Variants in SPATA6L observed in about 807,000 individuals in gnomAD.
The protein encoded by SPATA6L is spermatogenesis associated 6 like, also known as spermatogenesis associated 6-like protein.
Under a neutral mutation model 49.2 loss-of-function variants are expected in SPATA6L, and 68 were observed. The observed-to-expected ratio is 1.38, with a 90% CI of 1.14 to 1.69. The LOEUF is 1.69. Among genes scored for constraint, SPATA6L ranks in the 40% most tolerant of loss-of-function variants. The pLI is 0.00. For missense variants in SPATA6L, 668 were observed against 464.3 expected (o/e 1.44, Z -4.03); for synonymous variants, 198 against 165.7 (o/e 1.19, Z -1.50).
rs1391298734 is a variant in SPATA6L, at chr9:4,654,556, T to G, written c.226+1485A>C. On this transcript the variant is annotated intron_variant, in intron 3 of 11. Coordinates refer to ENST00000682582, the MANE Select transcript of SPATA6L (RefSeq NM_001353486.2). Reference sequence around the variant, plus strand: ...GGGCTTTCTGTACCCCCGGGTTTCTTGCCTTGGTGTACTGGAAGAATAGGA... The same window carrying G: ...GGGCTTTCTGTACCCCCGGGTTTCTGGCCTTGGTGTACTGGAAGAATAGGA... Among the ~76,000 whole-genome samples, 4 of 152,218 alleles carry G rather than the reference T, an allele frequency of 2.6e-5. No individual in the cohort carries two copies. In the East Asian group the frequency reaches 5.8e-4, roughly 22 times the overall value.
At chr9:4,644,975 A>G (rs1835023769) in intron 3 of SPATA6L, among the ~76,000 whole-genome samples, 1 of 152,210 alleles carries the variant, frequency 6.6e-6, no homozygotes, top group South Asian at 2.1e-4. Flanking sequence ...CCATCTGTTC[A>G]AATTTACTCA....
intron 6 of SPATA6L, among the ~76,000 whole-genome samples, chr9:4,624,214 A>G (rs1829919900): frequency 6.6e-6 from 1 of 152,238 alleles, no homozygotes; most frequent in South Asian, 2.1e-4. Context: ...AAAATAATAT[A>G]GGAAATTTTT....
At chr9:4,644,679 TCTCTCTCA>T (rs1438929855) in intron 3 of SPATA6L, among the ~76,000 whole-genome samples, 69 of 132,160 alleles carry the variant, frequency 5.2e-4, no homozygotes, top group Admixed American at 2.6e-3. Context: ...TCTCTCTCTC[TCTCTCTCA>T]CACACACACA....
intron 9 of SPATA6L, among the ~76,000 whole-genome samples, chr9:4,608,291 G>A (rs1316971178): frequency 2.5e-4 from 20 of 81,390 alleles, no homozygotes; most frequent in Middle Eastern, 8.4e-3. Flanking sequence ...TGCACCAAGC[G>A]GACCTAATAG....
intron 3 of SPATA6L, among the ~76,000 whole-genome samples, chr9:4,644,182 GCAA>G (rs1834720603): frequency 4.0e-5 from 2 of 49,394 alleles, no homozygotes; most frequent in African/African-American, 9.4e-5. Context: ...TGCCATCTCT[GCAA>G]AAAAAAAAAA....
chr9:4,644,392 A>G lies in SPATA6L; in HGVS notation c.227-8993T>C, dbSNP rs147859410. ...TTAAATTTAAAAAATTTAAACAACA[A>G]TATAATGGTGACATACAAGGGGGAA... On this transcript the variant is annotated intron_variant, in intron 3 of 11. Transcript: ENST00000682582. Among the ~76,000 whole-genome samples, 274 of 151,748 alleles carry G rather than the reference A, an allele frequency of 1.8e-3. 2 individuals carry two copies. The highest frequency in any genetic ancestry group is 0.015 in the Admixed American group (231 of 15,230).
intron 3 of SPATA6L, among the ~76,000 whole-genome samples, chr9:4,652,189 G>C (rs577634938): frequency 2.0e-5 from 3 of 152,300 alleles, no homozygotes; most frequent in African/African-American, 7.2e-5. Flanking sequence ...CGGAGGCCAA[G>C]GCAGGAGGAT....
At chr9:4,644,658 T>TTCTCTC (rs375004235) in intron 3 of SPATA6L, among the ~76,000 whole-genome samples, 21 of 143,086 alleles carry the variant, frequency 1.5e-4, no homozygotes, top group African/African-American at 5.3e-4. Flanking sequence ...GTTTTCAGTA[T>TTCTCTC]TCTCTCTCTC....
At chr9:4,657,118 C>T (rs182072466) in intron 2 of SPATA6L, among the ~76,000 whole-genome samples, 237 of 152,206 alleles carry the variant, frequency 1.6e-3, no homozygotes, top group Non-Finnish European at 3.0e-3. Context: ...CCTGTCTTTC[C>T]CCCTAAGCTC....
intron 9 of SPATA6L, among the ~76,000 whole-genome samples, chr9:4,611,773 A>C (rs1001113400): frequency 1.3e-5 from 2 of 151,902 alleles, no homozygotes; most frequent in Non-Finnish European, 2.9e-5. Context: ...CAATGTGCAC[A>C]TGTACCCTAA....
In SPATA6L at chr9:4,662,673, G is replaced by A; in HGVS notation, c.40-637C>T. 1 of 1,600,396 alleles carries A rather than the reference G, an allele frequency of 6.2e-7. No individual in the cohort carries two copies. On this transcript the variant is annotated intron_variant, in intron 1 of 11. Coordinates refer to ENST00000682582, the MANE Select transcript of SPATA6L (RefSeq NM_001353486.2). The surrounding 1 kb of genome is among the most constrained non-coding windows in gnomAD (Gnocchi z 4.9). Reference sequence around the variant, plus strand: ...CATGGACTTGAACCCGTCCTTCCTGGGCATCGCCCTGCGCTCCCTGCTGGC... The same window carrying A: ...CATGGACTTGAACCCGTCCTTCCTGAGCATCGCCCTGCGCTCCCTGCTGGC...
chr9:4,654,710 A>T lies in SPATA6L; in HGVS notation c.226+1331T>A, dbSNP rs1837708972. ...CACTCGGCAGCCCCGGCTCTCTTCC[A>T]ACTGCCCCGGCCAAACTCCGTGTCG... On this transcript the variant is annotated intron_variant, in intron 3 of 11. Coordinates refer to ENST00000682582, the MANE Select transcript of SPATA6L (RefSeq NM_001353486.2). Among the ~76,000 whole-genome samples the T allele has an allele frequency of 2.6e-5, 4 of 152,252 alleles. No homozygotes were observed. The South Asian group carries it at 8.3e-4, about 32-fold the overall frequency.
intron 4 of SPATA6L, among the ~76,000 whole-genome samples, chr9:4,631,746 A>G (rs1437048246): frequency 6.6e-6 from 1 of 152,206 alleles, no homozygotes; most frequent in Non-Finnish European, 1.5e-5. Context: ...AATGAAAAGA[A>G]ATCAGATAGT....
At chr9:4,603,719 C>A (rs945475539) in intron 11 of SPATA6L, among the ~76,000 whole-genome samples, 9 of 152,086 alleles carry the variant, frequency 5.9e-5, no homozygotes, top group Non-Finnish European at 2.9e-5. Context: ...GAAATTGTGT[C>A]ATAATTTATG....
intron 9 of SPATA6L, among the ~76,000 whole-genome samples, chr9:4,616,217 C>A (rs1196570751): frequency 2.0e-5 from 3 of 152,004 alleles, no homozygotes; most frequent in Non-Finnish European, 4.4e-5. Context: ...GTCAAGGCTG[C>A]AGTAAGCTGT....
At chr9:4,610,778 A>C (rs1170264780) in intron 9 of SPATA6L, among the ~76,000 whole-genome samples, 1 of 152,040 alleles carries the variant, frequency 6.6e-6, no homozygotes, top group African/African-American at 2.4e-5. Flanking sequence ...AATGGCAACA[A>C]AAGCCAAAAT....
chr9:4,589,380 A>G (rs1821760349), intron 13 of SPATA6L, among the ~76,000 whole-genome samples: 1 of 152,078 alleles, frequency 6.6e-6, no homozygotes, highest in Non-Finnish European at 1.5e-5. Context: ...GTATTTTAGG[A>G]TCCGTGTCCC....
At chr9:4,656,717 A>T (rs560938779) in intron 2 of SPATA6L, among the ~76,000 whole-genome samples, 1 of 152,330 alleles carries the variant, frequency 6.6e-6, no homozygotes, top group Admixed American at 6.5e-5. Context: ...AATATCATCG[A>T]CTTGACCTAG....
intron 6 of SPATA6L, among the ~76,000 whole-genome samples, chr9:4,623,961 A>G (rs548472976): frequency 5.9e-4 from 90 of 152,312 alleles, no homozygotes; most frequent in Non-Finnish European, 1.2e-3. Flanking sequence ...TATTTTTTGT[A>G]GATAGCTGTT....
Sources: gnomAD v4.1 joint callset for allele counts (sites outside exome capture counted in the v4.1 genomes callset) on GRCh38, gnomAD v4.1.1 for gene constraint, Gnocchi (gnomAD v3.1) non-coding constraint, MANE v1.5 for transcripts, NCBI Gene and HGNC (gene_info 2026-07-23, HGNC 2026-07-21) for gene names.